The following FTO variants were observed in gnomAD, a reference collection of about 807,000 sequenced individuals.
The protein encoded by FTO is FTO alpha-ketoglutarate dependent dioxygenase.
Under a neutral mutation model 63.9 loss-of-function variants are expected in FTO, and 47 were observed. The ratio of observed to expected loss-of-function variants is 0.74; its 90% confidence interval spans 0.58 to 0.94. The LOEUF (loss-of-function observed/expected upper bound fraction) is 0.94. Ranked by LOEUF, FTO falls within the 40% of genes least tolerant of loss-of-function variation. The pLI is 0.00. For missense variants in FTO, 562 were observed against 618.1 expected, an observed-to-expected ratio of 0.91 and a Z score of 0.96; for synonymous variants, 207 against 224.4, an observed-to-expected ratio of 0.92 and a Z score of 0.69.
chr16:53,787,279 G>A (rs983019747), intron 1 of FTO, among the ~76,000 whole-genome samples: 2 of 151,688 alleles, frequency 1.3e-5, no homozygotes, highest in African/African-American at 4.8e-5. Context: ...AAAAAGTCCA[G>A]TGAAAATGGC....
intron 4 of FTO, among the ~76,000 whole-genome samples, chr16:53,848,387 G>A (rs560075102): frequency 1.1e-4 from 17 of 152,302 alleles, no homozygotes; most frequent in African/African-American, 4.1e-4. Context: ...GATGGGGAAC[G>A]TGTCGGGTGC....
intron 7 of FTO, among the ~76,000 whole-genome samples, chr16:53,909,628 A>T (rs1742284554): frequency 7.0e-6 from 1 of 143,848 alleles, no homozygotes; most frequent in African/African-American, 2.7e-5. Flanking sequence ...CAGTGGTGCA[A>T]TCATGGCTCA....
At chr16:53,716,861 A>T (rs2075905386) in intron 1 of FTO, among the ~76,000 whole-genome samples, 1 of 150,896 alleles carries the variant, frequency 6.6e-6, no homozygotes, top group South Asian at 2.1e-4. Context: ...ATATTAGTGT[A>T]TTGCTTAGAA....
chr16:53,771,503 C>T (rs2077340658), intron 1 of FTO, among the ~76,000 whole-genome samples: 1 of 152,104 alleles, frequency 6.6e-6, no homozygotes, highest in Admixed American at 6.6e-5. Context: ...ACATAGCAAT[C>T]AAAGTTTAGT....
chr16:53,742,149 A>G (rs1168394212), intron 1 of FTO, among the ~76,000 whole-genome samples: 1 of 152,134 alleles, frequency 6.6e-6, no homozygotes, highest in Non-Finnish European at 1.5e-5. Context: ...TCCAGCCTAT[A>G]CTGAAGGGGA....
intron 7 of FTO, among the ~76,000 whole-genome samples, chr16:53,920,201 A>C (rs2081976686): frequency 6.6e-6 from 1 of 152,130 alleles, no homozygotes; most frequent in Non-Finnish European, 1.5e-5. Context: ...TTATGTGTAA[A>C]AACTAAATCC....
chr16:53,903,604 A>G (rs2081460218), intron 7 of FTO, among the ~76,000 whole-genome samples: 1 of 152,168 alleles, frequency 6.6e-6, no homozygotes, highest in African/African-American at 2.4e-5. Flanking sequence ...TTTTCCCCAC[A>G]TGGATAACAC....
chr16:53,955,660 G>T (rs2082912352), intron 8 of FTO, among the ~76,000 whole-genome samples: 1 of 152,204 alleles, frequency 6.6e-6, no homozygotes, highest in South Asian at 2.1e-4. Context: ...TGTGTTAGGT[G>T]CTGTGGAAAA....
intron 8 of FTO, among the ~76,000 whole-genome samples, chr16:53,946,681 T>C (rs975069917): frequency 2.0e-5 from 3 of 152,116 alleles, no homozygotes; most frequent in Non-Finnish European, 4.4e-5. Context: ...AGGAAGCATA[T>C]GACCAGATGC....
At chr16:54,092,834 C>T (rs1397140733) in intron 8 of FTO, among the ~76,000 whole-genome samples, 3 of 152,144 alleles carry the variant, frequency 2.0e-5, no homozygotes. Context: ...GTGATCAACC[C>T]TAGGTGAGAC....
Position 53,935,962 on chromosome 16 carries a change from C to G in FTO, c.1364+1853C>G, listed in dbSNP as rs561650252. 3 of 152,298 alleles carry G rather than the reference C, an allele frequency of 2.0e-5. No individual in the cohort carries two copies. In the East Asian group the frequency reaches 5.8e-4, roughly 29 times the overall value. 9.4% of individuals were successfully genotyped at this position (152,298 alleles called of 1,614,324 possible). A position where few individuals can be genotyped will look rare whatever the true frequency, so the allele number is the denominator to read the frequency against. On this transcript the variant is annotated intron_variant, in intron 8 of 8. Coordinates refer to ENST00000471389, the MANE Select transcript of FTO (RefSeq NM_001080432.3). ...AAAGAATTTCCCTGTAATATCTCCT[C>G]TGCTTCCCTTCCGTCCAAAGACCGT...
rs77278026 is a variant in FTO, at chr16:53,995,312, C to A, written c.1364+61203C>A. Among the ~76,000 whole-genome samples the A allele has an allele frequency of 8.5e-3, 1,292 of 152,320 alleles. 17 individuals are homozygous for A. Among genetic ancestry groups the A allele is most frequent in the African/African-American group, 0.029 (1,217 of 41,574 alleles). ...TAACTAGCCAATGAATGAATGTTTTCTTCCCTTAAAAAATACCAACAGATG... is the reference window on the plus strand; with the variant it reads ...TAACTAGCCAATGAATGAATGTTTTATTCCCTTAAAAAATACCAACAGATG... On this transcript the variant is annotated intron_variant, in intron 8 of 8. Transcript: ENST00000471389.
At chr16:53,948,471 A>G (rs1433869972) in intron 8 of FTO, among the ~76,000 whole-genome samples, 3 of 152,238 alleles carry the variant, frequency 2.0e-5, no homozygotes, top group South Asian at 2.1e-4. Context: ...TGTATGCCAG[A>G]ATCTGCATAG....
chr16:54,020,360 C>T (rs2084560055), intron 8 of FTO, among the ~76,000 whole-genome samples: 2 of 152,164 alleles, frequency 1.3e-5, no homozygotes, highest in Admixed American at 6.5e-5. Context: ...ATTTCCTATA[C>T]ACCATGAAGA....
intron 7 of FTO, among the ~76,000 whole-genome samples, chr16:53,892,614 G>A (rs1476354601): frequency 6.6e-6 from 1 of 151,980 alleles, no homozygotes; most frequent in Non-Finnish European, 1.5e-5. Context: ...AAAATCGTGC[G>A]TGTTGTGGAA....
At chr16:53,923,981 T>C (rs1037869638) in intron 7 of FTO, among the ~76,000 whole-genome samples, 1 of 152,072 alleles carries the variant, frequency 6.6e-6, no homozygotes, top group Non-Finnish European at 1.5e-5. Flanking sequence ...ATGGGAGATA[T>C]GGTGTAAGTG....
chr16:54,031,212 G>A (rs1045319280), intron 8 of FTO, among the ~76,000 whole-genome samples: 4 of 152,094 alleles, frequency 2.6e-5, no homozygotes, highest in Non-Finnish European at 4.4e-5. Flanking sequence ...TAAGATCTTA[G>A]GGAAAAAATG....
chr16:53,964,523 A>G (rs964864676), intron 8 of FTO, among the ~76,000 whole-genome samples: 1 of 152,128 alleles, frequency 6.6e-6, no homozygotes, highest in Non-Finnish European at 1.5e-5. Flanking sequence ...AACCATTTTC[A>G]TTGGCTGGGG....
intron 1 of FTO, among the ~76,000 whole-genome samples, chr16:53,760,205 G>GGT (rs1173270081): frequency 0.024 from 2,995 of 125,368 alleles, 44 homozygotes; most frequent in Non-Finnish European, 0.027. Context: ...CTTCAGCTTT[G>GGT]GTGTGTGTGT....
Sources: gnomAD v4.1 joint callset for allele counts (sites outside exome capture counted in the v4.1 genomes callset) on GRCh38, gnomAD v4.1.1 for gene constraint, MANE v1.5 for transcripts, NCBI Gene and HGNC (gene_info 2026-07-23, HGNC 2026-07-21) for gene names.